EDIL3: variants seen among roughly 807,000 people sequenced by gnomAD.
EDIL3 encodes the protein EGF like and discoidin domains 3, also known as EGF-like repeat and discoidin I-like domain-containing protein 3.
Under a neutral mutation model 67.4 loss-of-function variants are expected in EDIL3, and 37 were observed. The observed-to-expected ratio is 0.55, with a 90% confidence interval of 0.42 to 0.72. The LOEUF (loss-of-function observed/expected upper bound fraction) is 0.72. Ranked by LOEUF, EDIL3 falls within the 30% of genes least tolerant of loss-of-function variation. EDIL3 has a pLI of 0.00. For synonymous variants in EDIL3, 195 were observed against 196.3 expected (o/e 0.99, Z 0.05); for missense variants, 527 against 586.3 (o/e 0.90, Z 1.04).
Position 84,288,898 on chromosome 5 carries a change from A to C in EDIL3, c.68-34686T>G, listed in dbSNP as rs1403465332. On this transcript the variant is annotated intron_variant, in intron 1 of 10. Transcript: ENST00000296591. ...TTTTTTTTTTACTCCTATACCCATC[A>C]CTTAGAACAAGGTCTACATAAAATA... 2.0e-5 allele frequency among the ~76,000 whole-genome samples: 3 copies of C among 151,896 alleles called. No homozygotes were observed. The East Asian group carries it at 5.8e-4, about 29-fold the overall frequency.
rs149639247 is a variant in EDIL3, at chr5:83,993,808, C to T, written c.1138-30448G>A. Among the ~76,000 whole-genome samples the T allele has an allele frequency of 1.4e-3, 218 of 152,254 alleles. 2 individuals carry two copies. The highest frequency in any genetic ancestry group is 4.8e-3 in the African/African-American group (200 of 41,538). On this transcript the variant is annotated intron_variant, in intron 9 of 10. Transcript: ENST00000296591. Reference sequence around the variant, plus strand: ...GACTGATAAGGGAGTGAGTGTGTTCCAAATTCATTTGTTGAGTCTTCCTCT... The same window carrying T: ...GACTGATAAGGGAGTGAGTGTGTTCTAAATTCATTTGTTGAGTCTTCCTCT...
chr5:83,988,099 A>G (rs1249661454), intron 9 of EDIL3, among the ~76,000 whole-genome samples: 1 of 151,994 alleles, frequency 6.6e-6, no homozygotes, highest in Non-Finnish European at 1.5e-5. Context: ...TCAAATCCAC[A>G]CTAAAATTGA....
chr5:84,230,729 A>T (rs1395680172), intron 2 of EDIL3, among the ~76,000 whole-genome samples: 1 of 142,098 alleles, frequency 7.0e-6, no homozygotes, highest in African/African-American at 2.6e-5. Context: ...AAACATGAAG[A>T]TTCCAGTTCT....
At chr5:84,242,701 G>C (rs149834406) in intron 2 of EDIL3, among the ~76,000 whole-genome samples, 1 of 150,728 alleles carries the variant, frequency 6.6e-6, no homozygotes, top group African/African-American at 2.4e-5. Flanking sequence ...GGGAGGCTGA[G>C]GTGGGAAGAT....
intron 6 of EDIL3, among the ~76,000 whole-genome samples, chr5:84,068,300 G>A (rs1456727777): frequency 2.6e-5 from 4 of 151,924 alleles, no homozygotes; most frequent in Admixed American, 2.0e-4. Flanking sequence ...TATGCACAGT[G>A]GACACTTTGA....
chr5:84,241,124 T>G, intron 2 of EDIL3, among the ~76,000 whole-genome samples: 1 of 152,232 alleles, frequency 6.6e-6, no homozygotes, highest in East Asian at 1.9e-4. Context: ...TGATAATTAT[T>G]TTCTGCATTG....
chr5:84,055,703 A>G (rs558311514), intron 9 of EDIL3, among the ~76,000 whole-genome samples: 7 of 152,322 alleles, frequency 4.6e-5, no homozygotes, highest in Admixed American at 4.6e-4. Context: ...AAAACACATG[A>G]AAAAATGGCT....
intron 1 of EDIL3, among the ~76,000 whole-genome samples, chr5:84,306,457 C>A (rs1437579378): frequency 3.3e-5 from 5 of 152,118 alleles, no homozygotes; most frequent in Admixed American, 3.3e-4. Flanking sequence ...TTTTTTCCCA[C>A]CTTCTGTGAA....
chr5:84,133,964 A>G (rs1278464278), intron 5 of EDIL3, among the ~76,000 whole-genome samples: 1 of 152,028 alleles, frequency 6.6e-6, no homozygotes, highest in Non-Finnish European at 1.5e-5. Flanking sequence ...TTAAAAAACT[A>G]CAGGAAACTT....
intron 9 of EDIL3, among the ~76,000 whole-genome samples, chr5:84,047,156 G>T (rs1452164603): frequency 6.6e-6 from 1 of 152,042 alleles, no homozygotes; most frequent in Non-Finnish European, 1.5e-5. Flanking sequence ...TACCACTAGA[G>T]CTTGTCTTTC....
At chr5:84,122,603 A>C (rs889935532) in intron 5 of EDIL3, among the ~76,000 whole-genome samples, 1 of 151,894 alleles carries the variant, frequency 6.6e-6, no homozygotes, top group Non-Finnish European at 1.5e-5. Context: ...ATTTGAACCC[A>C]GGTACATCTA....
chr5:84,257,193 C>T (rs1745137604), intron 1 of EDIL3, among the ~76,000 whole-genome samples: 1 of 152,084 alleles, frequency 6.6e-6, no homozygotes, highest in Non-Finnish European at 1.5e-5. Flanking sequence ...CCTTAAGAAA[C>T]CTTCCATGGC....
chr5:84,304,604 T>C (rs1746227676), intron 1 of EDIL3, among the ~76,000 whole-genome samples: 1 of 152,226 alleles, frequency 6.6e-6, no homozygotes, highest in Non-Finnish European at 1.5e-5. Context: ...AACTTATTGT[T>C]ACAAAGATCA....
At chr5:84,237,506 T>C (rs1281385901) in intron 2 of EDIL3, among the ~76,000 whole-genome samples, 2 of 152,108 alleles carry the variant, frequency 1.3e-5, no homozygotes, top group African/African-American at 4.8e-5. Context: ...AATTTTGAAG[T>C]AAATGGATAT....
In EDIL3 at chr5:84,180,513, T is replaced by C. The variant is rs771332243; in HGVS notation, c.235A>G (p.Thr79Ala). The change falls in exon 4 of 11, where the codon ACT becomes GCT. Residue 79 changes from threonine (T) to alanine (A), a missense_variant. Coordinates refer to ENST00000296591, the MANE Select transcript of EDIL3 (RefSeq NM_005711.5). ...EEEPTSAGPC[T>A]PNPCHNGGTC... Reference sequence around the variant, plus strand: ...CCTCCATTATGGCATGGATTAGGAGTGCAGGGACCTGAAAGACAGAAAAAA... The same window carrying C: ...CCTCCATTATGGCATGGATTAGGAGCGCAGGGACCTGAAAGACAGAAAAAA... 6.3e-7 allele frequency: 1 copy of C among 1,578,884 alleles called. No individual in the cohort carries two copies. The highest frequency in any genetic ancestry group is 8.6e-7 in the Non-Finnish European group (1 of 1,166,846).
intron 3 of EDIL3, 30 bp from the exon 4 acceptor site, chr5:84,180,551 G>A (rs770159901): frequency 1.3e-6 from 2 of 1,533,448 alleles, no homozygotes; most frequent in Non-Finnish European, 1.7e-6. Flanking sequence ...ATTTCTGCTT[G>A]ATGCATATTC....
At chr5:84,078,901 G>T (rs1746913560) in intron 6 of EDIL3, 1 of 152,130 alleles carries the variant, frequency 6.6e-6, no homozygotes, top group Non-Finnish European at 1.5e-5. Flanking sequence ...ATAGGCTCCT[G>T]AATAGCCTTG....
chr5:84,131,849 T>A (rs1375186398), intron 5 of EDIL3, among the ~76,000 whole-genome samples: 1 of 152,150 alleles, frequency 6.6e-6, no homozygotes, highest in Non-Finnish European at 1.5e-5. Context: ...AATCTCATCA[T>A]GTATTTATCT....
intron 8 of EDIL3, among the ~76,000 whole-genome samples, chr5:84,061,030 T>A (rs1293310147): frequency 6.6e-6 from 1 of 152,304 alleles, no homozygotes; most frequent in South Asian, 2.1e-4. Flanking sequence ...CTGATTCTTA[T>A]AGCACCAACA....
Sources: allele counts gnomAD v4.1 joint callset (sites outside exome capture counted in the v4.1 genomes callset), GRCh38; gene constraint gnomAD v4.1.1; transcripts MANE v1.5; gene names NCBI Gene and HGNC (gene_info 2026-07-23, HGNC 2026-07-21).